The following CTSH variants were observed in gnomAD, a reference collection of about 807,000 sequenced individuals.
CTSH encodes the protein pro-cathepsin H.
A neutral mutation model predicts 56.3 loss-of-function variants in CTSH; 52 were observed. The observed-to-expected ratio is 0.92, with a 90% CI of 0.74 to 1.16. The LOEUF (loss-of-function observed/expected upper bound fraction) is 1.16. CTSH is among the 50% of genes most tolerant of loss of function. The probability of loss-of-function intolerance (pLI) is 0.00; values close to 1 mark genes in which losing one functional copy is unlikely to be tolerated. For missense variants in CTSH, 406 were observed against 424.5 expected (o/e 0.96, Z 0.38); for synonymous variants, 174 against 155.7 (o/e 1.12, Z -0.88).
At chr15:78,934,351 T>C (rs1044382201) in intron 5 of CTSH, among the ~76,000 whole-genome samples, 10 of 152,182 alleles carry the variant, frequency 6.6e-5, no homozygotes, top group Admixed American at 1.3e-4. Flanking sequence ...CACGGCAGGT[T>C]CCCTGCTAGG....
In CTSH at chr15:78,939,073, A is replaced by G. The variant is rs1352736209; in HGVS notation, c.123+67T>C. ...TTTTTCATTGTCTCAAATCTGGGAC[A>G]GTTTGGTTTGATAACAGGAAACTTT... is the stretch of plus-strand genomic sequence containing the variant. On this transcript the variant is annotated intron_variant, in intron 2 of 11. Coordinates refer to ENST00000220166, the MANE Select transcript of CTSH (RefSeq NM_004390.5). 4 of 1,391,192 alleles carry G rather than the reference A, an allele frequency of 2.9e-6. No homozygotes were observed. The Admixed American group carries it at 7.9e-5, about 28-fold the overall frequency. 86.2% of individuals were successfully genotyped at this position (1,391,192 alleles called of 1,614,324 possible).
chr15:78,944,504 A>C (rs911032227), intron 1 of CTSH: 8 of 169,078 alleles, frequency 4.7e-5, no homozygotes, highest in African/African-American at 7.1e-5. Flanking sequence ...TCCCGGGGGA[A>C]GCTGCTAGAG....
At chr15:78,927,821 C>G (rs1184080161) in intron 8 of CTSH, 40 bp from the exon 9 acceptor site, 1 of 1,565,554 alleles carries the variant, frequency 6.4e-7, no homozygotes, top group South Asian at 1.1e-5. Flanking sequence ...AGGTTATGGA[C>G]CCGAAGTCTC....
chr15:78,940,900 T>C (rs544467422), intron 1 of CTSH, among the ~76,000 whole-genome samples: 1 of 151,138 alleles, frequency 6.6e-6, no homozygotes, highest in Non-Finnish European at 1.5e-5. Flanking sequence ...CGGAGGCTGC[T>C]GTGAGCCGAG....
chr15:78,937,190 G>A (rs919431615), intron 3 of CTSH, 128 bp downstream of exon 3: 5 of 708,380 alleles, frequency 7.1e-6, no homozygotes, highest in Non-Finnish European at 1.2e-5. Flanking sequence ...CACAATCTGA[G>A]GTCAGCCAAA....
intron 11 of CTSH, among the ~76,000 whole-genome samples, chr15:78,922,567 C>G (rs191110644): frequency 2.6e-5 from 4 of 152,168 alleles, no homozygotes; most frequent in African/African-American, 9.7e-5. Context: ...GAGGACAGGA[C>G]AAAGGCACAG....
chr15:78,922,057 G>T lies in CTSH; in HGVS notation c.*73C>A. On this transcript the variant is annotated 3_prime_UTR_variant, in exon 12 of 12. Coordinates refer to ENST00000220166, the MANE Select transcript of CTSH (RefSeq NM_004390.5). ...GGATCTCCCCACAACTTCCTCCAGG[G>T]CAGGATTTCCACCCAGGCCCAGGCT... 2 of 1,388,664 alleles carry T rather than the reference G, an allele frequency of 1.4e-6. No homozygotes were observed. The highest frequency in any genetic ancestry group is 2.0e-6 in the Non-Finnish European group (2 of 1,002,836). The allele number at this position is 1,388,664 out of a possible 1,614,324, so 86.0% of individuals were successfully genotyped here. A position where few individuals can be genotyped will look rare whatever the true frequency, so the allele number is the denominator to read the frequency against.
At chr15:78,937,834 A>C (rs775085578) in intron 2 of CTSH, 1 of 1,283,942 alleles carries the variant, frequency 7.8e-7, no homozygotes. Context: ...CTAAAAACAA[A>C]TGTGTATAAT....
At position 78,922,217 on chromosome 15, in the gene CTSH, G is replaced by T; in HGVS notation, c.933-12C>A. 6.4e-7 allele frequency: 1 copy of T among 1,565,194 alleles called. No homozygotes were observed. Among genetic ancestry groups the T allele is most frequent in the East Asian group, 2.4e-5 (1 of 42,460 alleles). ...CGATGAGGAAGTACCTGGGCAGAAA[G>T]AGGAGCTGAGGCCCGGCCGGCGGTC... is the stretch of plus-strand genomic sequence containing the variant. On this transcript the variant is annotated splice_polypyrimidine_tract_variant and intron_variant, in intron 11 of 11. Transcript: ENST00000220166.
rs564978552 is a variant in CTSH at position 78,932,051 on chromosome 15, G to A, written c.492+321C>T. The A allele has an allele frequency of 1.7e-4, 206 of 1,232,940 alleles. 2 individuals are homozygous for A. Among genetic ancestry groups the A allele is most frequent in the Middle Eastern group, 1.7e-3 (5 of 3,016 alleles). The allele number at this position is 1,232,940 out of a possible 1,614,324, so 76.4% of individuals were successfully genotyped here. The stretch of plus-strand genomic sequence containing the variant: ...AAGACAACTGAGGCTGCTGGGAAGG[G>A]TGTAGCTCCTAGTTGGCTACCCACC... On this transcript the variant is annotated intron_variant, in intron 6 of 11. Coordinates refer to ENST00000220166, the MANE Select transcript of CTSH (RefSeq NM_004390.5).
At chr15:78,923,815 T>C (rs1408798880) in intron 10 of CTSH, among the ~76,000 whole-genome samples, 2 of 152,104 alleles carry the variant, frequency 1.3e-5, no homozygotes, top group Non-Finnish European at 2.9e-5. Flanking sequence ...AAATACAACT[T>C]TTTCTGTTTA....
At chr15:78,931,216 C>A (rs2141535072) in intron 7 of CTSH, among the ~76,000 whole-genome samples, 1 of 152,200 alleles carries the variant, frequency 6.6e-6, no homozygotes, top group African/African-American at 2.4e-5. Context: ...CTGTGGAGAG[C>A]CAGGTGATAC....
chr15:78,934,645 T>TG (rs759368258), intron 5 of CTSH, among the ~76,000 whole-genome samples: 1 of 152,158 alleles, frequency 6.6e-6, no homozygotes, highest in African/African-American at 2.4e-5. Flanking sequence ...AGGAGATGCA[T>TG]GGGGTTCTGG....
Position 78,922,045 on chromosome 15 carries a change from A to G in CTSH, c.*85T>C, listed in dbSNP as rs1330785452. 2.1e-5 allele frequency: 28 copies of G among 1,305,476 alleles called. No homozygotes were observed. Among genetic ancestry groups the G allele is most frequent in the East Asian group, 1.0e-4 (4 of 39,548 alleles). 80.9% of individuals were successfully genotyped at this position (1,305,476 alleles called of 1,614,324 possible). On this transcript the variant is annotated 3_prime_UTR_variant, in exon 12 of 12. Coordinates refer to ENST00000220166, the MANE Select transcript of CTSH (RefSeq NM_004390.5). ...GGGGGTCCCAGTGGATCTCCCCACA[A>G]CTTCCTCCAGGGCAGGATTTCCACC... is the stretch of plus-strand genomic sequence containing the variant.
chr15:78,945,022 G>A lies in CTSH; in HGVS notation c.-41C>T, dbSNP rs1231521799. On this transcript the variant is annotated 5_prime_UTR_variant, in exon 1 of 12. Transcript: ENST00000220166. ...TTGGCTCTTGCGCTCAGGGTCCGCG[G>A]AGGTGGCGGCCCAGAGCGTCAACTG... is the stretch of plus-strand genomic sequence containing the variant. 6.7e-6 allele frequency: 10 copies of A among 1,488,478 alleles called. No individual in the cohort carries two copies. Among genetic ancestry groups the A allele is most frequent in the African/African-American group, 2.9e-5 (2 of 69,154 alleles). 92.2% of individuals were successfully genotyped at this position (1,488,478 alleles called of 1,614,324 possible).
At chr15:78,924,337 C>T (rs543104284) in intron 10 of CTSH, among the ~76,000 whole-genome samples, 41 of 152,030 alleles carry the variant, frequency 2.7e-4, no homozygotes, top group South Asian at 2.3e-3. Flanking sequence ...TTGGCGTTGG[C>T]AAGAGGAGTG....
intron 11 of CTSH, 120 bp downstream of exon 11, chr15:78,922,873 A>G: frequency 7.9e-7 from 1 of 1,261,370 alleles, no homozygotes. Flanking sequence ...GGCCTGGCCT[A>G]GGGCTTGGCT....
chr15:78,937,454 G>A, intron 2 of CTSH, 31 bp from the exon 3 acceptor site: 1 of 1,582,018 alleles, frequency 6.3e-7, no homozygotes, highest in Non-Finnish European at 8.7e-7. Context: ...AGCAAGTCAT[G>A]GAAACAGGCT....
In CTSH at chr15:78,936,621, G is replaced by A. The variant is rs138185715; in HGVS notation, c.229+697C>T. Among the ~76,000 whole-genome samples, 9 of 151,114 alleles carry A rather than the reference G, an allele frequency of 6.0e-5. No homozygotes were observed. In the East Asian group the frequency reaches 1.8e-3, roughly 29 times the overall value. ...AGAGTCCTCAGAAAATACGCTGGACGTGCGTGTGAGTTTCTTTTTTTTTTT... is the reference window on the plus strand; with the variant it reads ...AGAGTCCTCAGAAAATACGCTGGACATGCGTGTGAGTTTCTTTTTTTTTTT... On this transcript the variant is annotated intron_variant, in intron 3 of 11. Coordinates refer to ENST00000220166, the MANE Select transcript of CTSH (RefSeq NM_004390.5).
Sources: gnomAD v4.1 joint callset for allele counts (sites outside exome capture counted in the v4.1 genomes callset) on GRCh38, gnomAD v4.1.1 for gene constraint, MANE v1.5 for transcripts, NCBI Gene and HGNC (gene_info 2026-07-23, HGNC 2026-07-21) for gene names.